Variants in ITGB8 observed in about 807,000 individuals in gnomAD.
ITGB8 encodes integrin beta-8.
Under a neutral mutation model 89.5 loss-of-function variants are expected in ITGB8, and 30 were observed. That is an observed-to-expected ratio of 0.34 (90% CI 0.25 to 0.45). ITGB8 has a LOEUF of 0.45. Among genes scored for constraint, ITGB8 ranks in the 20% least tolerant of loss-of-function variants. The pLI is 1.00. For synonymous variants in ITGB8, 335 were observed against 320.4 expected, an observed-to-expected ratio of 1.05 and a Z score of -0.49; for missense variants, 836 against 933.3, an observed-to-expected ratio of 0.90 and a Z score of 1.36.
intron 7 of ITGB8, among the ~76,000 whole-genome samples, chr7:20,393,578 G>A (rs1429805678): frequency 2.6e-5 from 4 of 152,154 alleles, no homozygotes; most frequent in African/African-American, 9.7e-5. Context: ...CTCTAAGGTG[G>A]CACATGAGGC....
At chr7:20,353,886 C>T (rs546683290) in intron 1 of ITGB8, among the ~76,000 whole-genome samples, 2 of 130,872 alleles carry the variant, frequency 1.5e-5, no homozygotes, top group East Asian at 4.4e-4. Context: ...GAGCCGAGAT[C>T]GCGCCACTGC....
At chr7:20,383,241 T>G (rs1786474659) in intron 6 of ITGB8, among the ~76,000 whole-genome samples, 1 of 152,214 alleles carries the variant, frequency 6.6e-6, no homozygotes, top group Non-Finnish European at 1.5e-5. Context: ...CACTTGGTCA[T>G]TTTAGTTTCT....
chr7:20,331,971 C>A, intron 1 of ITGB8, 38 bp downstream of exon 1: 1 of 1,605,702 alleles, frequency 6.2e-7, no homozygotes, highest in South Asian at 1.1e-5. Context: ...CTTCTCTTCC[C>A]CAAAGGTCTT....
At chr7:20,337,191 C>G (rs1784604015) in intron 1 of ITGB8, among the ~76,000 whole-genome samples, 1 of 152,084 alleles carries the variant, frequency 6.6e-6, no homozygotes, top group South Asian at 2.1e-4. Flanking sequence ...ATTCTTTACC[C>G]TTGGTATCAA....
rs1278293431 is a variant in ITGB8, at chr7:20,410,147, C to T, written c.*150C>T. On this transcript the variant is annotated 3_prime_UTR_variant, in exon 14 of 14. Transcript: ENST00000222573. The stretch of plus-strand genomic sequence containing the variant: ...TCGAACGAAGACTGACAAGTATCCT[C>T]ATCATGATGTGACTCACATAGCTGC... 1 of 722,612 alleles carries T rather than the reference C, an allele frequency of 1.4e-6. No homozygotes were observed. Among genetic ancestry groups the T allele is most frequent in the Non-Finnish European group, 2.3e-6 (1 of 437,884 alleles). The allele number at this position is 722,612 out of a possible 1,614,324, so 44.8% of individuals were successfully genotyped here.
At chr7:20,334,705 A>T (rs1328521888) in intron 1 of ITGB8, among the ~76,000 whole-genome samples, 6 of 152,298 alleles carry the variant, frequency 3.9e-5, no homozygotes, top group Admixed American at 3.3e-4. Context: ...CTTCTAAATT[A>T]TTTGCATAAT....
Position 20,331,247 on chromosome 7 carries a change from G to A in ITGB8, c.-560G>A, listed in dbSNP as rs762926955. The A allele has an allele frequency of 1.8e-5, 5 of 274,330 alleles. No homozygotes were observed. The highest frequency in any genetic ancestry group is 3.4e-5 in the Non-Finnish European group (5 of 147,552). 17.0% of individuals were successfully genotyped at this position (274,330 alleles called of 1,614,324 possible). A position where few individuals can be genotyped will look rare whatever the true frequency, so the allele number is the denominator to read the frequency against. On this transcript the variant is annotated 5_prime_UTR_variant, in exon 1 of 14. Transcript: ENST00000222573. ...TGCAAAGCTGCAACTAATGGTGTTG[G>A]CCTCCCTGCCCACCTGTGGAAGCAA...
chr7:20,400,258 A>T (rs1015454679), intron 9 of ITGB8, among the ~76,000 whole-genome samples: 19 of 152,004 alleles, frequency 1.2e-4, no homozygotes, highest in Admixed American at 6.6e-4. Flanking sequence ...CTTCATTTTC[A>T]ATTGAGTAGT....
At chr7:20,397,287 C>T (rs1451001315) in intron 8 of ITGB8, among the ~76,000 whole-genome samples, 1 of 151,142 alleles carries the variant, frequency 6.6e-6, no homozygotes. Flanking sequence ...AGTGCAGTGG[C>T]GAGATCTTGA....
At chr7:20,348,830 T>C (rs1377812805) in intron 1 of ITGB8, among the ~76,000 whole-genome samples, 1 of 152,208 alleles carries the variant, frequency 6.6e-6, no homozygotes, top group Non-Finnish European at 1.5e-5. Flanking sequence ...AAGGAGAATA[T>C]GTTTGCAAAG....
intron 1 of ITGB8, among the ~76,000 whole-genome samples, chr7:20,337,871 C>T (rs1431088060): frequency 1.3e-5 from 2 of 152,202 alleles, no homozygotes; most frequent in South Asian, 4.1e-4. Flanking sequence ...TTAGCCTAAA[C>T]AGCCTCAGAC....
intron 1 of ITGB8, among the ~76,000 whole-genome samples, chr7:20,345,806 C>T (rs762194087): frequency 1.3e-5 from 2 of 151,962 alleles, no homozygotes; most frequent in Non-Finnish European, 2.9e-5. Context: ...AATTTCTTAA[C>T]ATGGAAGCAA....
intron 9 of ITGB8, among the ~76,000 whole-genome samples, chr7:20,400,137 G>A (rs576132565): frequency 4.0e-4 from 61 of 152,182 alleles, no homozygotes; most frequent in Middle Eastern, 3.4e-3. Flanking sequence ...ATGAAAAAAC[G>A]CTTACTGTCT....
chr7:20,408,819 G>T (rs1398487783), intron 12 of ITGB8, among the ~76,000 whole-genome samples: 1 of 152,102 alleles, frequency 6.6e-6, no homozygotes, highest in Admixed American at 6.5e-5. Context: ...GCTAAAATGA[G>T]ATCCAGCATG....
chr7:20,333,558 T>C (rs1253670591), intron 1 of ITGB8, among the ~76,000 whole-genome samples: 1 of 152,138 alleles, frequency 6.6e-6, no homozygotes, highest in East Asian at 1.9e-4. Flanking sequence ...GCCTCTAAAA[T>C]TTACTATTTA....
chr7:20,335,829 G>A (rs1325147598), intron 1 of ITGB8, among the ~76,000 whole-genome samples: 3 of 151,960 alleles, frequency 2.0e-5, no homozygotes, highest in Non-Finnish European at 2.9e-5. Flanking sequence ...ACTTGACACT[G>A]TTGACCTTGC....
chr7:20,384,113 C>A (rs1291579566), intron 6 of ITGB8, among the ~76,000 whole-genome samples: 2 of 152,132 alleles, frequency 1.3e-5, no homozygotes, highest in Admixed American at 6.5e-5. Context: ...TGAAAGCTAC[C>A]TTGACTTTGA....
chr7:20,414,794 G>A lies in ITGB8; in HGVS notation c.*4797G>A, dbSNP rs1329848058. ...GGCAGCTGTTAATGTAAACCTGAGA[G>A]TAATAACACTACTCTTTTATCTACC... On this transcript the variant is annotated 3_prime_UTR_variant, in exon 14 of 14. Coordinates refer to ENST00000222573, the MANE Select transcript of ITGB8 (RefSeq NM_002214.3). 1 of 152,546 alleles carries A rather than the reference G, an allele frequency of 6.6e-6. No individual in the cohort carries two copies. Among genetic ancestry groups the A allele is most frequent in the Non-Finnish European group, 1.5e-5 (1 of 67,988 alleles). 9.4% of individuals were successfully genotyped at this position (152,546 alleles called of 1,614,324 possible).
chr7:20,376,849 G>A (rs888788857), intron 3 of ITGB8, among the ~76,000 whole-genome samples: 9 of 152,152 alleles, frequency 5.9e-5, no homozygotes, highest in African/African-American at 2.2e-4. Context: ...CTCTTTATTA[G>A]AAACTTCTCT....
Sources: allele counts gnomAD v4.1 joint callset (sites outside exome capture counted in the v4.1 genomes callset), GRCh38; gene constraint gnomAD v4.1.1; transcripts MANE v1.5; gene names NCBI Gene and HGNC (gene_info 2026-07-23, HGNC 2026-07-21).